The following TNKS variants were observed in gnomAD, a reference collection of about 807,000 sequenced individuals.
The protein encoded by TNKS is poly [ADP-ribose] polymerase tankyrase-1.
A neutral mutation model predicts 135.8 loss-of-function variants in TNKS; 72 were observed. The observed-to-expected ratio is 0.53, with a 90% confidence interval of 0.44 to 0.64. The LOEUF is 0.64. Ranked by LOEUF, TNKS falls within the 30% of genes least tolerant of loss-of-function variation. The pLI is 0.00. For missense variants in TNKS, 1,769 were observed against 1,674.0 expected, an observed-to-expected ratio of 1.06 and a Z score of -0.99; for synonymous variants, 849 against 649.3, an observed-to-expected ratio of 1.31 and a Z score of -4.68.
In TNKS at chr8:9,568,856, C is replaced by T. The variant is rs1025065533; in HGVS notation, c.674-11303C>T. 5.9e-5 allele frequency among the ~76,000 whole-genome samples: 9 copies of T among 152,128 alleles called. No homozygotes were observed. The East Asian group carries it at 1.5e-3, about 26-fold the overall frequency. On this transcript the variant is annotated intron_variant, in intron 1 of 26. Transcript: ENST00000310430. ...GTAATAGTTTCCTAAGGGTTAGTTG[C>T]AACGTAGAATCTGAAGCCAAATCAG...
At chr8:9,755,540 C>G (rs1226849742) in intron 20 of TNKS, among the ~76,000 whole-genome samples, 1 of 152,184 alleles carries the variant, frequency 6.6e-6, no homozygotes, top group Non-Finnish European at 1.5e-5. Flanking sequence ...TGTTATTTAT[C>G]TAGCCTTCCA....
intron 20 of TNKS, among the ~76,000 whole-genome samples, chr8:9,756,997 G>C (rs753144776): frequency 6.6e-6 from 1 of 151,958 alleles, no homozygotes; most frequent in African/African-American, 2.4e-5. Flanking sequence ...TTGTTTTTGA[G>C]ATGGAGTCTA....
chr8:9,580,743 A>G (rs1798133480), intron 2 of TNKS, among the ~76,000 whole-genome samples: 1 of 152,160 alleles, frequency 6.6e-6, no homozygotes. Context: ...TGACATTTGA[A>G]CACTTGAGGT....
chr8:9,700,836 A>T (rs373185802), intron 5 of TNKS, among the ~76,000 whole-genome samples: 1 of 152,304 alleles, frequency 6.6e-6, no homozygotes, highest in East Asian at 1.9e-4. Flanking sequence ...CAGTAGTTTA[A>T]AAACTAAATA....
chr8:9,592,133 T>A (rs970565889), intron 2 of TNKS, among the ~76,000 whole-genome samples: 2 of 152,242 alleles, frequency 1.3e-5, no homozygotes, highest in African/African-American at 4.8e-5. Context: ...GATGACATTG[T>A]TTGCCTACTA....
At chr8:9,679,584 A>G (rs986567707) in intron 3 of TNKS, among the ~76,000 whole-genome samples, 1 of 152,120 alleles carries the variant, frequency 6.6e-6, no homozygotes, top group African/African-American at 2.4e-5. Flanking sequence ...CTCAGAATGT[A>G]TTATGCTTCC....
chr8:9,720,315 G>T, intron 11 of TNKS, 59 bp from the exon 12 acceptor site: 6 of 1,424,692 alleles, frequency 4.2e-6, no homozygotes, highest in South Asian at 1.5e-5. Context: ...ATTTTCTAAG[G>T]TATAAAAGGA....
chr8:9,775,566 A>G (rs1167335865), intron 26 of TNKS, among the ~76,000 whole-genome samples: 1 of 144,280 alleles, frequency 6.9e-6, no homozygotes, highest in Non-Finnish European at 1.5e-5. Context: ...GAGAGCTTTT[A>G]GGAGGGAGTA....
intron 5 of TNKS, among the ~76,000 whole-genome samples, chr8:9,700,079 G>A (rs536079053): frequency 7.9e-5 from 12 of 152,096 alleles, no homozygotes; most frequent in Middle Eastern, 3.4e-3. Flanking sequence ...CCCTGGCCCC[G>A]TTTCCCTCTG....
At chr8:9,730,842 A>T (rs201586712) in intron 13 of TNKS, 48 bp from the exon 14 acceptor site, 455 of 1,572,818 alleles carry the variant, frequency 2.9e-4, no homozygotes, top group Non-Finnish European at 3.8e-4. Flanking sequence ...CCTGTGAATA[A>T]AGAGTAATGT....
intron 3 of TNKS, among the ~76,000 whole-genome samples, chr8:9,636,795 G>A (rs1800528927): frequency 6.6e-6 from 1 of 152,134 alleles, no homozygotes; most frequent in African/African-American, 2.4e-5. Flanking sequence ...GACACCAGAT[G>A]AGTACTAACT....
rs76524226 is a variant in TNKS at position 9,715,985 on chromosome 8, C to G, written c.1750-4389C>G. Reference sequence around the variant, plus strand: ...ATTATTAAGAAAACTTACGCCCCAACTGCATATGGTATTCAAGAAGTTTAA... The same window carrying G: ...ATTATTAAGAAAACTTACGCCCCAAGTGCATATGGTATTCAAGAAGTTTAA... On this transcript the variant is annotated intron_variant, in intron 11 of 26. Transcript: ENST00000310430. Among the ~76,000 whole-genome samples, 40 of 152,284 alleles carry G rather than the reference C, an allele frequency of 2.6e-4. No individual in the cohort carries two copies. The East Asian group carries it at 7.7e-3, about 29-fold the overall frequency.
At chr8:9,584,111 C>T (rs1798277071) in intron 2 of TNKS, among the ~76,000 whole-genome samples, 1 of 146,640 alleles carries the variant, frequency 6.8e-6, no homozygotes, top group Non-Finnish European at 1.5e-5. Flanking sequence ...TTGCAGTGAG[C>T]CGAGATTACA....
Position 9,686,248 on chromosome 8 carries a change from C to T in TNKS, c.1107+5448C>T, listed in dbSNP as rs56660576. Among the ~76,000 whole-genome samples, 900 of 152,272 alleles carry T rather than the reference C, an allele frequency of 5.9e-3. 8 individuals are homozygous for T. Among genetic ancestry groups the T allele is most frequent in the African/African-American group, 0.02 (829 of 41,550 alleles). The stretch of plus-strand genomic sequence containing the variant: ...TAAGGCAGCCCAAGCAGCCATGTGA[C>T]GAGGTCCACATGAAGAACTGAGGCC... On this transcript the variant is annotated intron_variant, in intron 5 of 26. Transcript: ENST00000310430.
intron 3 of TNKS, among the ~76,000 whole-genome samples, chr8:9,624,999 A>G (rs1484499234): frequency 6.6e-6 from 1 of 152,162 alleles, no homozygotes; most frequent in African/African-American, 2.4e-5. Flanking sequence ...CCACAGATAC[A>G]TAGGGCCAAC....
intron 1 of TNKS, among the ~76,000 whole-genome samples, chr8:9,577,927 C>G (rs900819784): frequency 6.6e-6 from 1 of 152,202 alleles, no homozygotes; most frequent in African/African-American, 2.4e-5. Context: ...GGCGTACAGG[C>G]ATTGGCTAAA....
Position 9,569,767 on chromosome 8 carries a change from C to A in TNKS, c.674-10392C>A, listed in dbSNP as rs574281429. ...AAGACAATTGGCATTCACTGTTTGG[C>A]ATTATATCTCTTCGTATTCTTTTTT... On this transcript the variant is annotated intron_variant, in intron 1 of 26. Transcript: ENST00000310430. 3.3e-5 allele frequency among the ~76,000 whole-genome samples: 5 copies of A among 152,292 alleles called. No homozygotes were observed. In the South Asian group the frequency reaches 1.0e-3, roughly 32 times the overall value.
chr8:9,581,149 G>C (rs1438173143), intron 2 of TNKS, among the ~76,000 whole-genome samples: 3 of 152,112 alleles, frequency 2.0e-5, no homozygotes, highest in Non-Finnish European at 4.4e-5. Flanking sequence ...AGCATAATCA[G>C]TTTTTTAATG....
chr8:9,673,442 ATT>A (rs71201963), intron 3 of TNKS, among the ~76,000 whole-genome samples: 68 of 125,382 alleles, frequency 5.4e-4, no homozygotes, highest in African/African-American at 1.6e-3. Context: ...TACCTTTTGG[ATT>A]TTTTTTTTTT....
Sources: gnomAD v4.1 joint callset for allele counts (sites outside exome capture counted in the v4.1 genomes callset) on GRCh38, gnomAD v4.1.1 for gene constraint, MANE v1.5 for transcripts, NCBI Gene and HGNC (gene_info 2026-07-23, HGNC 2026-07-21) for gene names.